CSDC2: variants seen among roughly 807,000 people sequenced by gnomAD.
CSDC2 encodes cold shock domain-containing protein C2.
A neutral mutation model predicts 15.8 loss-of-function variants in CSDC2; 8 were observed. That is an observed-to-expected ratio of 0.51 (90% CI 0.30 to 0.92). CSDC2 has a LOEUF of 0.92. CSDC2 is among the 40% of genes least tolerant of loss of function. The pLI is 0.07. For missense variants in CSDC2, 195 were observed against 213.3 expected, an observed-to-expected ratio of 0.91 and a Z score of 0.53; for synonymous variants, 96 against 92.3, an observed-to-expected ratio of 1.04 and a Z score of -0.23.
intron 1 of CSDC2, among the ~76,000 whole-genome samples, chr22:41,563,317 G>GC (rs1472989017): frequency 6.6e-6 from 1 of 152,056 alleles, no homozygotes; most frequent in East Asian, 1.9e-4. Context: ...GTCAGCTCCT[G>GC]CCCGGGGGTC....
chr22:41,561,612 G>A (rs1200492608), intron 1 of CSDC2, among the ~76,000 whole-genome samples: 12 of 152,232 alleles, frequency 7.9e-5, no homozygotes, highest in Admixed American at 7.9e-4. Flanking sequence ...ATGTTGGGCT[G>A]GGAAGGGACC....
rs1402207577 is a variant in CSDC2, at chr22:41,575,242, G to A, written c.*347G>A. Reference sequence around the variant, plus strand: ...CGGTGACTGAGCTGCGAGAGCCTGCGCTGGGCTCACTCCCTGGCCTCCGCC... The same window carrying A: ...CGGTGACTGAGCTGCGAGAGCCTGCACTGGGCTCACTCCCTGGCCTCCGCC... On this transcript the variant is annotated 3_prime_UTR_variant, in exon 4 of 4. Transcript: ENST00000306149. 18 of 344,404 alleles carry A rather than the reference G, an allele frequency of 5.2e-5. No individual in the cohort carries two copies. In the Admixed American group the frequency reaches 6.9e-4, roughly 13 times the overall value. The allele number at this position is 344,404 out of a possible 1,614,324, so 21.3% of individuals were successfully genotyped here.
At chr22:41,568,012 GAGGGGC>G (rs1452112161) in intron 1 of CSDC2, among the ~76,000 whole-genome samples, 2 of 151,978 alleles carry the variant, frequency 1.3e-5, no homozygotes, top group East Asian at 3.9e-4. Flanking sequence ...CCTTGTCTAG[GAGGGGC>G]AGGCTCTCGC....
chr22:41,575,846 C>T lies in CSDC2; in HGVS notation c.*951C>T, dbSNP rs2067172641. 1 of 152,340 alleles carries T rather than the reference C, an allele frequency of 6.6e-6. No homozygotes were observed. Among genetic ancestry groups the T allele is most frequent in the African/African-American group, 2.4e-5 (1 of 41,456 alleles). 9.4% of individuals were successfully genotyped at this position (152,340 alleles called of 1,614,324 possible). A position where few individuals can be genotyped will look rare whatever the true frequency, so the allele number is the denominator to read the frequency against. On this transcript the variant is annotated 3_prime_UTR_variant, in exon 4 of 4. Coordinates refer to ENST00000306149, the MANE Select transcript of CSDC2 (RefSeq NM_014460.4). Reference sequence around the variant, plus strand: ...CCACGTCAAACTCTCTTCCCAAAGCCCTAACAGACCAGTGGCCGAGGTGTG... The same window carrying T: ...CCACGTCAAACTCTCTTCCCAAAGCTCTAACAGACCAGTGGCCGAGGTGTG...
Position 41,576,053 on chromosome 22 carries a change from T to A in CSDC2, c.*1158T>A, listed in dbSNP as rs1041874270. 6.6e-6 allele frequency: 1 copy of A among 152,186 alleles called. No individual in the cohort carries two copies. The highest frequency in any genetic ancestry group is 2.4e-5 in the African/African-American group (1 of 41,440). The allele number at this position is 152,186 out of a possible 1,614,324, so 9.4% of individuals were successfully genotyped here. Reference sequence around the variant, plus strand: ...TGCCTCCACCTCTGGGTGCACCCCCTGCCTACCACCCTCCCTTCTAGAGAG... The same window carrying A: ...TGCCTCCACCTCTGGGTGCACCCCCAGCCTACCACCCTCCCTTCTAGAGAG... On this transcript the variant is annotated 3_prime_UTR_variant, in exon 4 of 4. Transcript: ENST00000306149.
intron 2 of CSDC2, 97 bp downstream of exon 2, chr22:41,572,238 A>G (rs1056528245): frequency 9.2e-7 from 1 of 1,083,474 alleles, no homozygotes; most frequent in Non-Finnish European, 1.2e-6. Context: ...CACCTGGGAC[A>G]GGGGAACTGT....
chr22:41,561,766 C>A (rs936036794), intron 1 of CSDC2, among the ~76,000 whole-genome samples: 1 of 152,186 alleles, frequency 6.6e-6, no homozygotes, highest in Admixed American at 6.5e-5. Context: ...TACCACCCCA[C>A]CCCGAGCCCT....
At chr22:41,565,851 A>G (rs1194098319) in intron 1 of CSDC2, among the ~76,000 whole-genome samples, 1 of 152,172 alleles carries the variant, frequency 6.6e-6, no homozygotes, top group Non-Finnish European at 1.5e-5. Flanking sequence ...TCTGCAGGGA[A>G]ATGAAGATGA....
rs1344008586 is a variant in CSDC2 at position 41,561,036 on chromosome 22, GCA to G, written c.-264_-263del. On this transcript the variant is annotated 5_prime_UTR_variant, in exon 1 of 4. Coordinates refer to ENST00000306149, the MANE Select transcript of CSDC2 (RefSeq NM_014460.4). ...AGGGGCTGAGGTACCGCCCGCGCGA[GCA>G]CACACAGACACACACACACACACAC... 1 of 114,980 alleles carries G rather than the reference GCA, an allele frequency of 8.7e-6. No individual in the cohort carries two copies. Among genetic ancestry groups the G allele is most frequent in the Non-Finnish European group, 1.7e-5 (1 of 57,400 alleles). 7.1% of individuals were successfully genotyped at this position (114,980 alleles called of 1,614,324 possible). A position where few individuals can be genotyped will look rare whatever the true frequency, so the allele number is the denominator to read the frequency against.
intron 1 of CSDC2, among the ~76,000 whole-genome samples, chr22:41,561,629 G>A (rs974211090): frequency 6.6e-6 from 1 of 152,222 alleles, no homozygotes; most frequent in Non-Finnish European, 1.5e-5. Flanking sequence ...GACCGGCTGG[G>A]AAAGGCAGAC....
rs1337458559 is a variant in CSDC2, at chr22:41,576,091, C to G, written c.*1196C>G. The G allele has an allele frequency of 6.6e-6, 1 of 152,336 alleles. No homozygotes were observed. The highest frequency in any genetic ancestry group is 1.5e-5 in the Non-Finnish European group (1 of 68,124). The allele number at this position is 152,336 out of a possible 1,614,324, so 9.4% of individuals were successfully genotyped here. ...CCCTTCTAGAGAGCACATCGCCTGA[C>G]CGGGGAGAAGTGGGGCCGTGGTTCG... On this transcript the variant is annotated 3_prime_UTR_variant, in exon 4 of 4. Coordinates refer to ENST00000306149, the MANE Select transcript of CSDC2 (RefSeq NM_014460.4).
At chr22:41,564,477 G>T (rs1601990894) in intron 1 of CSDC2, among the ~76,000 whole-genome samples, 3 of 152,034 alleles carry the variant, frequency 2.0e-5, no homozygotes, top group East Asian at 3.9e-4. Context: ...AGCCAGGATG[G>T]TCTCAATCTC....
chr22:41,568,353 C>A (rs7290990), intron 1 of CSDC2, among the ~76,000 whole-genome samples: 39,305 of 151,570 alleles, frequency 0.26, 5,868 homozygotes, highest in Admixed American at 0.44. Flanking sequence ...GCGTGATCTC[C>A]GCTCTCTGCA....
At chr22:41,566,836 A>G (rs1266535009) in intron 1 of CSDC2, among the ~76,000 whole-genome samples, 3 of 150,860 alleles carry the variant, frequency 2.0e-5, no homozygotes, top group Admixed American at 6.6e-5. Flanking sequence ...CTGAGGCAGG[A>G]GAAAGGCGTG....
At chr22:41,565,805 C>G (rs1005341515) in intron 1 of CSDC2, among the ~76,000 whole-genome samples, 2 of 152,188 alleles carry the variant, frequency 1.3e-5, no homozygotes, top group Non-Finnish European at 2.9e-5. Flanking sequence ...TTCTAGGCCC[C>G]TTTGTCTGCA....
chr22:41,568,365 C>A (rs951268315), intron 1 of CSDC2, among the ~76,000 whole-genome samples: 4 of 152,078 alleles, frequency 2.6e-5, no homozygotes, highest in Non-Finnish European at 5.9e-5. Context: ...CTCTCTGCAG[C>A]CTCGACCTCC....
At chr22:41,573,505 C>T (rs115883600) in intron 2 of CSDC2, 150 bp from the exon 3 acceptor site, 3 of 892,772 alleles carry the variant, frequency 3.4e-6, no homozygotes, top group African/African-American at 1.7e-5. Context: ...GCCTCATTAT[C>T]GTTGAATGGG....
chr22:41,574,942 AG>A lies in CSDC2; in HGVS notation c.*50del. The A allele has an allele frequency of 1.3e-6, 2 of 1,543,802 alleles. No homozygotes were observed. Among genetic ancestry groups the A allele is most frequent in the Non-Finnish European group, 1.7e-6 (2 of 1,143,766 alleles). On this transcript the variant is annotated 3_prime_UTR_variant, in exon 4 of 4. Coordinates refer to ENST00000306149, the MANE Select transcript of CSDC2 (RefSeq NM_014460.4). Reference sequence around the variant, plus strand: ...CTGGCCGGGGGTTGGGGAGCCACACAGGGTGAACGGGCAGCAGCCGGCTCCA... The same window carrying A: ...CTGGCCGGGGGTTGGGGAGCCACACAGGTGAACGGGCAGCAGCCGGCTCCA...
chr22:41,569,807 T>G (rs1386399712), intron 1 of CSDC2, among the ~76,000 whole-genome samples: 1 of 133,682 alleles, frequency 7.5e-6, no homozygotes, highest in Non-Finnish European at 1.6e-5. Flanking sequence ...TTTGACAGAG[T>G]CTGGGTCAGT....
Sources: allele counts gnomAD v4.1 joint callset (sites outside exome capture counted in the v4.1 genomes callset), GRCh38; gene constraint gnomAD v4.1.1; transcripts MANE v1.5; gene names NCBI Gene and HGNC (gene_info 2026-07-23, HGNC 2026-07-21).